Variants in SLC25A42 observed in about 807,000 individuals in gnomAD.
SLC25A42 encodes the protein solute carrier family 25 member 42, also known as mitochondrial coenzyme A transporter SLC25A42.
Under a neutral mutation model 34.7 loss-of-function variants are expected in SLC25A42, and 19 were observed. That is an observed-to-expected ratio of 0.55 (90% CI 0.38 to 0.80). The LOEUF is 0.80. Among genes scored for constraint, SLC25A42 ranks in the 30% least tolerant of loss-of-function variants. The pLI is 0.00. For synonymous variants in SLC25A42, 205 were observed against 191.2 expected (o/e 1.07, Z -0.59); for missense variants, 364 against 441.3 (o/e 0.82, Z 1.57).
chr19:19,098,740 A>G (rs2059778631), intron 2 of SLC25A42, among the ~76,000 whole-genome samples: 1 of 152,188 alleles, frequency 6.6e-6, no homozygotes, highest in Non-Finnish European at 1.5e-5. Context: ...GGCAACGTGG[A>G]GAAACCCCAT....
At chr19:19,082,273 C>T (rs2059685236) in intron 1 of SLC25A42, among the ~76,000 whole-genome samples, 1 of 152,178 alleles carries the variant, frequency 6.6e-6, no homozygotes, top group Non-Finnish European at 1.5e-5. Context: ...TTTGCCTTTC[C>T]CAGCTTCTAT....
intron 1 of SLC25A42, among the ~76,000 whole-genome samples, chr19:19,095,575 T>C (rs969880046): frequency 6.6e-6 from 1 of 152,176 alleles, no homozygotes; most frequent in Admixed American, 6.5e-5. Flanking sequence ...ATCGTGCCAC[T>C]GCACTCCAGC....
intron 1 of SLC25A42, among the ~76,000 whole-genome samples, chr19:19,069,229 TG>T (rs1179953619): frequency 6.6e-6 from 1 of 152,196 alleles, no homozygotes; most frequent in African/African-American, 2.4e-5. Context: ...GCAGAATGCT[TG>T]GATTCCAGGG....
intron 3 of SLC25A42, 47 bp from the exon 4 acceptor site, chr19:19,104,866 T>C: frequency 6.2e-7 from 1 of 1,612,490 alleles, no homozygotes; most frequent in Non-Finnish European, 8.5e-7. Context: ...AGATGGGAGG[T>C]TCTGTCCTTT....
rs111792120 is a variant in SLC25A42 at position 19,068,837 on chromosome 19, C to CAAATAAATAAAT, written c.-35+4751_-35+4762dup. Among the ~76,000 whole-genome samples the CAAATAAATAAAT allele has an allele frequency of 2.5e-3, 348 of 137,542 alleles. 2 individuals carry two copies. The highest frequency in any genetic ancestry group is 4.8e-3 in the East Asian group (23 of 4,766). The allele number at this position is 137,542 out of a possible 152,430, so 90.2% of individuals were successfully genotyped here. A position where few individuals can be genotyped will look rare whatever the true frequency, so the allele number is the denominator to read the frequency against. On this transcript the variant is annotated intron_variant, in intron 1 of 7. Coordinates refer to ENST00000318596, the MANE Select transcript of SLC25A42 (RefSeq NM_178526.5). The stretch of plus-strand genomic sequence containing the variant: ...TGGGTGACAGAGCGACACTCAGTCT[C>CAAATAAATAAAT]AAATAAATAAATAAATAAATAAATA...
intron 1 of SLC25A42, among the ~76,000 whole-genome samples, chr19:19,073,218 G>A (rs1201825894): frequency 6.6e-6 from 1 of 152,218 alleles, no homozygotes; most frequent in Non-Finnish European, 1.5e-5. Flanking sequence ...CAGCTGTTAT[G>A]TTTCTGCTTC....
chr19:19,066,635 T>G (rs570766352), intron 1 of SLC25A42, among the ~76,000 whole-genome samples: 1 of 152,056 alleles, frequency 6.6e-6, no homozygotes, highest in East Asian at 1.9e-4. Flanking sequence ...ATTTTTTTAG[T>G]AGAGACGGGG....
chr19:19,092,320 G>A (rs759760712), intron 1 of SLC25A42, among the ~76,000 whole-genome samples: 1 of 152,138 alleles, frequency 6.6e-6, no homozygotes, highest in Admixed American at 6.6e-5. Context: ...CTCCAGTTAC[G>A]TCCCCCAGCC....
chr19:19,092,974 T>TG (rs763245353), intron 1 of SLC25A42, among the ~76,000 whole-genome samples: 2 of 152,116 alleles, frequency 1.3e-5, no homozygotes, highest in Non-Finnish European at 2.9e-5. Context: ...AGCAACCGGC[T>TG]GGGAAAGGTC....
chr19:19,078,113 G>T (rs1211339228), intron 1 of SLC25A42, among the ~76,000 whole-genome samples: 1 of 152,212 alleles, frequency 6.6e-6, no homozygotes, highest in African/African-American at 2.4e-5. Flanking sequence ...ATGCTGCTGG[G>T]CAGGTCTTCA....
intron 5 of SLC25A42, 143 bp from the exon 6 acceptor site, chr19:19,106,126 G>A: frequency 1.5e-6 from 1 of 688,754 alleles, no homozygotes; most frequent in Non-Finnish European, 2.5e-6. Context: ...AGCTTGGCCA[G>A]GAGGAAGCCA....
chr19:19,098,401 CA>C (rs1427685327), intron 2 of SLC25A42, among the ~76,000 whole-genome samples: 1 of 152,198 alleles, frequency 6.6e-6, no homozygotes, highest in African/African-American at 2.4e-5. Context: ...AGTTTGAGAA[CA>C]GCCTGGGTAA....
At chr19:19,069,479 A>G (rs954809317) in intron 1 of SLC25A42, among the ~76,000 whole-genome samples, 1 of 152,216 alleles carries the variant, frequency 6.6e-6, no homozygotes, top group Non-Finnish European at 1.5e-5. Flanking sequence ...GTGGAGGCCT[A>G]AAGTCCAAAA....
At chr19:19,093,187 AT>A (rs1429514228) in intron 1 of SLC25A42, among the ~76,000 whole-genome samples, 5 of 151,486 alleles carry the variant, frequency 3.3e-5, no homozygotes, top group African/African-American at 9.7e-5. Context: ...TATCCAACTA[AT>A]TTTTTTCTCT....
intron 7 of SLC25A42, among the ~76,000 whole-genome samples, chr19:19,108,842 T>G (rs1028606058): frequency 6.6e-6 from 1 of 152,204 alleles, no homozygotes; most frequent in Admixed American, 6.5e-5. Context: ...CAAGTTGGTC[T>G]CAAACTCCTG....
intron 1 of SLC25A42, among the ~76,000 whole-genome samples, chr19:19,089,605 C>T (rs12975676): frequency 0.77 from 116,415 of 151,156 alleles, 45,392 homozygotes; most frequent in East Asian, 0.89. Flanking sequence ...TGGTAGCTCA[C>T]ACCTGTAATC....
intron 1 of SLC25A42, among the ~76,000 whole-genome samples, chr19:19,092,703 C>A (rs1329305920): frequency 6.6e-6 from 1 of 152,238 alleles, no homozygotes; most frequent in Non-Finnish European, 1.5e-5. Context: ...TGGGGTATAG[C>A]AAATGGCTGA....
At chr19:19,075,544 G>A (rs144831352) in intron 1 of SLC25A42, among the ~76,000 whole-genome samples, 4 of 152,322 alleles carry the variant, frequency 2.6e-5, no homozygotes, top group East Asian at 1.9e-4. Context: ...TAGAGTGAAC[G>A]TGGCAAGGCT....
intron 1 of SLC25A42, among the ~76,000 whole-genome samples, chr19:19,088,565 C>T (rs2059721187): frequency 6.6e-6 from 1 of 152,098 alleles, no homozygotes; most frequent in African/African-American, 2.4e-5. Flanking sequence ...TCTCAGCTCA[C>T]CGCAACCTCC....
Sources: gnomAD v4.1 joint callset for allele counts (sites outside exome capture counted in the v4.1 genomes callset) on GRCh38, gnomAD v4.1.1 for gene constraint, MANE v1.5 for transcripts, NCBI Gene and HGNC (gene_info 2026-07-23, HGNC 2026-07-21) for gene names.